LRRC43: variants seen among roughly 807,000 people sequenced by gnomAD.
The protein encoded by LRRC43 is leucine rich repeat containing 43.
Under a neutral mutation model 64.3 loss-of-function variants are expected in LRRC43, and 62 were observed. The ratio of observed to expected loss-of-function variants is 0.96; its 90% CI spans 0.79 to 1.19. LRRC43 has a LOEUF of 1.19. Ranked by LOEUF, LRRC43 falls within the 50% of genes most tolerant of loss-of-function variation. The probability of loss-of-function intolerance (pLI) is 0.00; values close to 1 mark genes in which losing one functional copy is unlikely to be tolerated. For synonymous variants in LRRC43, 422 were observed against 382.3 expected, an observed-to-expected ratio of 1.10 and a Z score of -1.21; for missense variants, 868 against 845.0, an observed-to-expected ratio of 1.03 and a Z score of -0.34.
chr12:122,191,350 C>T (rs773323072), intron 5 of LRRC43, 30 bp from the exon 6 acceptor site: 6 of 1,560,260 alleles, frequency 3.8e-6, no homozygotes, highest in Middle Eastern at 2.1e-4. Flanking sequence ...ATTCCATGGG[C>T]CCCCCTGTCC....
chr12:122,189,965 C>T, intron 4 of LRRC43, 165 bp from the exon 5 acceptor site: 2 of 688,208 alleles, frequency 2.9e-6, no homozygotes, highest in Non-Finnish European at 5.2e-6. Flanking sequence ...GAGCCAGGCA[C>T]TCGTTCCCGA....
At position 122,184,583 on chromosome 12, in the gene LRRC43, A is replaced by G. The variant is rs1050982943; in HGVS notation, c.215A>G (p.Asp72Gly). 8 of 1,613,762 alleles carry G rather than the reference A, an allele frequency of 5.0e-6. No individual in the cohort carries two copies. Among genetic ancestry groups the G allele is most frequent in the Non-Finnish European group, 6.8e-6 (8 of 1,179,836 alleles). The change falls in exon 2 of 12, where the codon GAT becomes GGT. Residue 72 changes from aspartate (D) to glycine (G), a missense_variant. By Grantham distance (94) the Asp-to-Gly change is moderately conservative. Coordinates refer to ENST00000339777, the MANE Select transcript of LRRC43 (RefSeq NM_001098519.2). This position sits in a 1 kb window ranked among gnomAD's most constrained non-coding sequence, Gnocchi z 4.0. The part of the protein sequence containing the change: ...TWRELVPREE[D>G]VVSPGEETVE... ...AGGGAGCTTGTCCCCAGAGAGGAGGATGTGGTGAGCCCCGGAGAGGAGACG... is the reference window on the plus strand; with the variant it reads ...AGGGAGCTTGTCCCCAGAGAGGAGGGTGTGGTGAGCCCCGGAGAGGAGACG...
chr12:122,170,128 A>G (rs994290007), intron 1 of LRRC43, among the ~76,000 whole-genome samples: 3 of 152,152 alleles, frequency 2.0e-5, no homozygotes, highest in African/African-American at 7.2e-5. Context: ...TTATATCAAA[A>G]TGAACTTGTG....
Position 122,172,978 on chromosome 12 carries a change from C to T in LRRC43, c.-406+5196C>T, listed in dbSNP as rs545414209. 1.7e-3 allele frequency among the ~76,000 whole-genome samples: 256 copies of T among 152,286 alleles called. 1 individual carries two copies. The highest frequency in any genetic ancestry group is 5.9e-3 in the African/African-American group (246 of 41,562). ...CACTGATCCATCCAGCTGAGGCCTC[C>T]CAGCCTTCCAGAACCCACTCTCACG... On this transcript the variant is annotated intron_variant, in intron 1 of 5. Transcript: ENST00000537729.
upstream of LRRC43, among the ~76,000 whole-genome samples, chr12:122,181,217 C>CAA (rs201007052): frequency 9.8e-5 from 13 of 132,526 alleles, no homozygotes; most frequent in African/African-American, 3.4e-4. Context: ...GACCCTGCCT[C>CAA]AAAAAAAAAA....
chr12:122,176,141 G>A (rs941459949), intron 1 of LRRC43, among the ~76,000 whole-genome samples: 9 of 152,156 alleles, frequency 5.9e-5, no homozygotes, highest in Non-Finnish European at 1.2e-4. Flanking sequence ...GGAGAGTGAC[G>A]GGCAGGATAC....
At position 122,200,829 on chromosome 12, in the gene LRRC43, C is replaced by T. The variant is rs556302006; in HGVS notation, c.1704C>T (p.Gly568=). ...CCATCCTCCAGGTGCTGGGCCGGGGCCTGGTGATCCTGGAGCCCCTGCTCG... is the reference window on the plus strand; with the variant it reads ...CCATCCTCCAGGTGCTGGGCCGGGGTCTGGTGATCCTGGAGCCCCTGCTCG... ...DPPILQVLGR[G]LVILEPLLAG... is the part of the protein sequence containing the mutation. The change falls in exon 10 of 12, where the codon GGC becomes GGT. Residue 568 remains glycine, a synonymous_variant. Coordinates refer to ENST00000339777, the MANE Select transcript of LRRC43 (RefSeq NM_001098519.2). The surrounding 1 kb of genome is among the most constrained non-coding windows in gnomAD (Gnocchi z 4.6). 6.2e-7 allele frequency: 1 copy of T among 1,613,208 alleles called. No homozygotes were observed. The highest frequency in any genetic ancestry group is 1.1e-5 in the South Asian group (1 of 91,080).
At chr12:122,183,053 G>C (rs1953596354), upstream of LRRC43, 1 of 1,464,122 alleles carries the variant, frequency 6.8e-7, no homozygotes, top group Non-Finnish European at 9.0e-7. Flanking sequence ...TCCGGATGGG[G>C]GACTTTTCCC....
intron 1 of LRRC43, among the ~76,000 whole-genome samples, chr12:122,183,720 C>T (rs531906622): frequency 1.3e-5 from 2 of 152,358 alleles, no homozygotes; most frequent in South Asian, 2.1e-4. Context: ...GGTTACCCCC[C>T]ATCCTGCCTC....
chr12:122,183,045 C>G, upstream of LRRC43: 11 of 1,443,388 alleles, frequency 7.6e-6, no homozygotes, highest in Non-Finnish European at 9.0e-6. Flanking sequence ...CTGTCTGATC[C>G]GGATGGGGGA....
intron 1 of LRRC43, chr12:122,172,167 G>T: frequency 2.3e-6 from 1 of 436,708 alleles, no homozygotes; most frequent in Non-Finnish European, 4.1e-6. Flanking sequence ...TAATAAGTAA[G>T]ACTTAAGCCT....
At chr12:122,172,111 T>C (rs1020932773) in intron 1 of LRRC43, 2 of 271,428 alleles carry the variant, frequency 7.4e-6, no homozygotes, top group Non-Finnish European at 1.4e-5. Flanking sequence ...GTACAATAAA[T>C]ATCAATAAAT....
Position 122,186,250 on chromosome 12 carries a change from G to T in LRRC43, c.472G>T (p.Ala158Ser), listed in dbSNP as rs531526199. 6.2e-7 allele frequency: 1 copy of T among 1,606,362 alleles called. No individual in the cohort carries two copies. The highest frequency in any genetic ancestry group is 2.2e-5 in the East Asian group (1 of 44,648). The stretch of plus-strand genomic sequence containing the variant: ...AAAGCTGGAGGAGTTGGTACTGAGC[G>T]CCAATCGAATCAAGGAGGTGGATGC... ...FLKLEELVLS[A>S]NRIKEVDATN... Residue 158 changes from alanine (A) to serine (S), a missense_variant, in exon 3 of 12, where the codon GCC becomes TCC. By Grantham distance (99) the Ala-to-Ser change is moderately conservative. Coordinates refer to ENST00000339777, the MANE Select transcript of LRRC43 (RefSeq NM_001098519.2).
At chr12:122,191,740 T>G (rs531013252) in intron 6 of LRRC43, among the ~76,000 whole-genome samples, 173 bp downstream of exon 6, 2 of 151,978 alleles carry the variant, frequency 1.3e-5, no homozygotes, top group Non-Finnish European at 2.9e-5. Flanking sequence ...CTGTAACCTC[T>G]GCCTCCTGGG....
In LRRC43 at chr12:122,200,633, G is replaced by A. The variant is rs201963757; in HGVS notation, c.1593G>A (p.Thr531=). ...AGAAAGGGAAGGAGAAAGACAGGAC[G>A]GGGAAAGGAGAGAAAGAGCCGGCCA... The part of the protein sequence containing the change: ...KDKKGKEKDR[T]GKGEKEPAKE... Residue 531 remains threonine, a synonymous_variant, in exon 9 of 12, where the codon ACG becomes ACA. Transcript: ENST00000339777. This position sits in a 1 kb window ranked among gnomAD's most constrained non-coding sequence, Gnocchi z 4.6. 2.5e-4 allele frequency: 388 copies of A among 1,534,332 alleles called. 2 individuals are homozygous for A. In the African/African-American group the frequency reaches 4.3e-3, roughly 17 times the overall value.
chr12:122,200,820 G>C lies in LRRC43; in HGVS notation c.1695G>C (p.Leu565=). The change falls in exon 10 of 12, where the codon CTG becomes CTC. Residue 565 remains leucine (L), a synonymous_variant. Transcript: ENST00000339777. The surrounding 1 kb of genome is among the most constrained non-coding windows in gnomAD (Gnocchi z 4.6). ...LRQDPPILQV[L]GRGLVILEPL... is the part of the protein sequence containing the mutation. The stretch of plus-strand genomic sequence containing the variant: ...AGGACCCCCCCATCCTCCAGGTGCT[G>C]GGCCGGGGCCTGGTGATCCTGGAGC... The C allele has an allele frequency of 1.9e-6, 3 of 1,613,194 alleles. No individual in the cohort carries two copies. The highest frequency in any genetic ancestry group is 2.5e-6 in the Non-Finnish European group (3 of 1,180,016).
chr12:122,176,955 C>T (rs1285552850), intron 1 of LRRC43, among the ~76,000 whole-genome samples: 4 of 152,212 alleles, frequency 2.6e-5, no homozygotes, highest in East Asian at 1.9e-4. Flanking sequence ...GTCCCCCTGC[C>T]GCCAGCCACC....
Position 122,184,908 on chromosome 12 carries a change from C to T in LRRC43, c.411+129C>T, listed in dbSNP as rs766433910. ...AGGGCTGAAACGAAGGCCAGCCTGC[C>T]CTCCATCTGCTTCATCTCCCTGGCT... On this transcript the variant is annotated intron_variant, in intron 2 of 11. Transcript: ENST00000339777. This position sits in a 1 kb window ranked among gnomAD's most constrained non-coding sequence, Gnocchi z 4.0. 1.3e-5 allele frequency: 13 copies of T among 1,005,042 alleles called. No homozygotes were observed. Among genetic ancestry groups the T allele is most frequent in the African/African-American group, 1.1e-4 (7 of 61,838 alleles). 62.3% of individuals were successfully genotyped at this position (1,005,042 alleles called of 1,614,324 possible).
chr12:122,189,251 G>A (rs560148651), intron 4 of LRRC43, among the ~76,000 whole-genome samples: 16 of 152,268 alleles, frequency 1.1e-4, no homozygotes, highest in African/African-American at 3.8e-4. Context: ...GATGGAAGGG[G>A]TAGAACCACC....
Sources: allele counts gnomAD v4.1 joint callset (sites outside exome capture counted in the v4.1 genomes callset), GRCh38; gene constraint gnomAD v4.1.1; non-coding constraint Gnocchi (gnomAD v3.1); transcripts MANE v1.5; gene names NCBI Gene and HGNC (gene_info 2026-07-23, HGNC 2026-07-21).